PRDM1: variants seen among roughly 807,000 people sequenced by gnomAD.
The protein encoded by PRDM1 is PR domain zinc finger protein 1.
In PRDM1, 13 loss-of-function variants were observed where a neutral mutation model predicts 62.8. That is an observed-to-expected ratio of 0.21 (90% CI 0.13 to 0.33). PRDM1 has a LOEUF of 0.33. PRDM1 is among the 10% of genes least tolerant of loss of function. The pLI is 1.00. For synonymous variants in PRDM1, 396 were observed against 417.6 expected, an observed-to-expected ratio of 0.95 and a Z score of 0.63; for missense variants, 895 against 1,058.8, an observed-to-expected ratio of 0.85 and a Z score of 2.15.
rs925257493 is a variant in PRDM1 at position 106,058,641 on chromosome 6, C to T, written c.-67+9927C>T. ...AGGATGGAGTGCAGTGGCGCAATCT[C>T]GGCTCACCGCAACCTCTGCCTCCTG... On this transcript the variant is annotated intron_variant, in intron 1 of 6. Transcript: ENST00000651185. Among the ~76,000 whole-genome samples the T allele has an allele frequency of 2.6e-5, 4 of 152,110 alleles. No individual in the cohort carries two copies. The South Asian group carries it at 6.2e-4, about 24-fold the overall frequency.
chr6:106,015,772 T>C (rs1321201352), intron 1 of PRDM1, among the ~76,000 whole-genome samples: 3 of 152,164 alleles, frequency 2.0e-5, no homozygotes, highest in Admixed American at 2.0e-4. Context: ...ATTTGTTTTT[T>C]CCTTTTCTTT....
chr6:106,097,975 AT>A (rs1166230883), intron 3 of PRDM1, among the ~76,000 whole-genome samples: 1 of 152,186 alleles, frequency 6.6e-6, no homozygotes, highest in African/African-American at 2.4e-5. Flanking sequence ...CCCCTTCACA[AT>A]TTACAGGAAG....
intron 1 of PRDM1, among the ~76,000 whole-genome samples, chr6:106,066,317 C>A (rs1489790887): frequency 6.6e-6 from 1 of 152,106 alleles, no homozygotes; most frequent in South Asian, 2.1e-4. Context: ...GCTAGCTGAT[C>A]ATGTTTAAAT....
At chr6:106,010,534 CT>C (rs1302201782) in intron 1 of PRDM1, among the ~76,000 whole-genome samples, 1 of 152,066 alleles carries the variant, frequency 6.6e-6, no homozygotes, top group Non-Finnish European at 1.5e-5. Context: ...CACCATGCAC[CT>C]TATCAAATCA....
intron 1 of PRDM1, among the ~76,000 whole-genome samples, chr6:106,042,205 C>A (rs1244477542): frequency 3.3e-5 from 5 of 151,406 alleles, no homozygotes; most frequent in Non-Finnish European, 2.9e-5. Flanking sequence ...ATTAGAGTAC[C>A]TTTCTTCAGT....
intron 1 of PRDM1, among the ~76,000 whole-genome samples, chr6:106,073,121 T>C (rs1013246413): frequency 1.3e-5 from 2 of 150,308 alleles, no homozygotes; most frequent in Non-Finnish European, 3.0e-5. Flanking sequence ...TTTTTTTTTT[T>C]TGTTTGTTTT....
chr6:106,037,204 G>A (rs1469033217), intron 1 of PRDM1, among the ~76,000 whole-genome samples: 2 of 152,076 alleles, frequency 1.3e-5, no homozygotes, highest in Non-Finnish European at 2.9e-5. Context: ...TTTGCTCCTA[G>A]TACATTGAAT....
Position 106,109,612 on chromosome 6 carries a change from C to T in PRDM1, c.*2126C>T, listed in dbSNP as rs1436687002. The T allele has an allele frequency of 4.3e-6, 1 of 233,388 alleles. No individual in the cohort carries two copies. Among genetic ancestry groups the T allele is most frequent in the African/African-American group, 2.2e-5 (1 of 45,324 alleles). The allele number at this position is 233,388 out of a possible 1,614,324, so 14.5% of individuals were successfully genotyped here. A position where few individuals can be genotyped will look rare whatever the true frequency, so the allele number is the denominator to read the frequency against. ...AAGGTAAACCAAAGCATCACGTTGA[C>T]ATTAGACCAAATACTTTTGATTCCC... is the stretch of plus-strand genomic sequence containing the variant. On this transcript the variant is annotated 3_prime_UTR_variant, in exon 7 of 7. Transcript: ENST00000369096.
chr6:106,098,495 AAC>A, intron 3 of PRDM1: 1 of 1,192,636 alleles, frequency 8.4e-7, no homozygotes, highest in Non-Finnish European at 1.1e-6. Context: ...TTTTTCCAAA[AAC>A]ACACGCCTAT....
intron 1 of PRDM1, among the ~76,000 whole-genome samples, chr6:106,069,600 C>T (rs1385663622): frequency 6.6e-6 from 1 of 152,208 alleles, no homozygotes; most frequent in Non-Finnish European, 1.5e-5. Context: ...GCAGCCCTCT[C>T]CACTGCTCAG....
chr6:106,087,203 AGT>A (rs1295153314), intron 1 of PRDM1, among the ~76,000 whole-genome samples: 2 of 152,072 alleles, frequency 1.3e-5, no homozygotes, highest in Non-Finnish European at 2.9e-5. Context: ...TTTTTTTCTG[AGT>A]GTGAGGGAGG....
At chr6:106,035,157 G>A (rs1772907595) in intron 1 of PRDM1, among the ~76,000 whole-genome samples, 1 of 152,042 alleles carries the variant, frequency 6.6e-6, no homozygotes, top group Non-Finnish European at 1.5e-5. Flanking sequence ...AACTATTATT[G>A]TAGAACTGAC....
intron 1 of PRDM1, among the ~76,000 whole-genome samples, chr6:106,074,690 A>G (rs978163704): frequency 3.3e-5 from 5 of 152,122 alleles, no homozygotes; most frequent in African/African-American, 1.2e-4. Flanking sequence ...TAAATATCGG[A>G]GAGGCCTGGT....
At chr6:106,038,176 G>A (rs1461797586) in intron 1 of PRDM1, among the ~76,000 whole-genome samples, 1 of 151,704 alleles carries the variant, frequency 6.6e-6, no homozygotes, top group Non-Finnish European at 1.5e-5. Context: ...GTAGACACAG[G>A]ATTTCACAAT....
At chr6:106,017,529 G>C (rs1244960478) in intron 1 of PRDM1, among the ~76,000 whole-genome samples, 1 of 152,218 alleles carries the variant, frequency 6.6e-6, no homozygotes, top group African/African-American at 2.4e-5. Context: ...AGGGCACCGT[G>C]TTATGAATAA....
chr6:105,998,921 ATATATATATATATTTTTTTTTTTTT>A (rs1213336007), intron 1 of PRDM1, among the ~76,000 whole-genome samples: 11 of 2,778 alleles, frequency 4.0e-3, no homozygotes, highest in African/African-American at 9.9e-3. Context: ...ATATATATAT[ATATATATATATATTTTTTTTTTTTT>A]TTTTCTTTTG....
At chr6:106,062,852 G>A (rs1773366116) in intron 1 of PRDM1, among the ~76,000 whole-genome samples, 1 of 152,138 alleles carries the variant, frequency 6.6e-6, no homozygotes, top group Non-Finnish European at 1.5e-5. Flanking sequence ...GAGTGTAAAT[G>A]AATAATCAGT....
In PRDM1 at chr6:106,015,025, C is replaced by T. The variant is rs144401124; in HGVS notation, c.-67+21386C>T. Among the ~76,000 whole-genome samples the T allele has an allele frequency of 4.0e-3, 612 of 152,248 alleles. 13 individuals carry two copies. Among genetic ancestry groups the T allele is most frequent in the East Asian group, 0.013 (66 of 5,184 alleles). On this transcript the variant is annotated intron_variant, in intron 1 of 6. Transcript: ENST00000652320. ...TTTCCTTAAATTTAAAAGAACACAG[C>T]CTTGCCCTTGTAGTCTGAGCAGTGG...
intron 1 of PRDM1, among the ~76,000 whole-genome samples, chr6:106,034,403 T>C (rs1316370819): frequency 6.6e-6 from 1 of 152,060 alleles, no homozygotes; most frequent in Non-Finnish European, 1.5e-5. Context: ...ATTTTCCCCC[T>C]TAGCAATGCT....
Sources: allele counts gnomAD v4.1 joint callset (sites outside exome capture counted in the v4.1 genomes callset), GRCh38; gene constraint gnomAD v4.1.1; transcripts MANE v1.5; gene names NCBI Gene and HGNC (gene_info 2026-07-23, HGNC 2026-07-21).